The following FAT4 variants were observed in gnomAD, a reference collection of about 807,000 sequenced individuals.
FAT4 encodes the protein FAT atypical cadherin 4.
A neutral mutation model predicts 303.9 loss-of-function variants in FAT4; 84 were observed. The ratio of observed to expected loss-of-function variants is 0.28; its 90% CI spans 0.23 to 0.33. The LOEUF is 0.33. Ranked by LOEUF, FAT4 falls within the 10% of genes least tolerant of loss-of-function variation. The pLI, the probability that FAT4 is intolerant of heterozygous loss-of-function variation, is 1.00. For synonymous variants in FAT4, 2,307 were observed against 2,298.8 expected, an observed-to-expected ratio of 1.00 and a Z score of -0.10; for missense variants, 6,005 against 6,146.8, an observed-to-expected ratio of 0.98 and a Z score of 0.77.
intron 12 of FAT4, among the ~76,000 whole-genome samples, chr4:125,469,303 A>G (rs1225254521): frequency 6.6e-6 from 1 of 152,222 alleles, no homozygotes; most frequent in Non-Finnish European, 1.5e-5. Flanking sequence ...GTGGCTCCTG[A>G]CTGAGCCAGG....
intron 5 of FAT4, 38 bp downstream of exon 5, chr4:125,408,832 T>A: frequency 9.4e-7 from 1 of 1,059,516 alleles, no homozygotes; most frequent in Non-Finnish European, 1.3e-6. Flanking sequence ...AAAACATCTA[T>A]AAACTGTCAT....
chr4:125,362,512 A>C (rs1228589648), intron 2 of FAT4, among the ~76,000 whole-genome samples: 1 of 152,220 alleles, frequency 6.6e-6, no homozygotes, highest in African/African-American at 2.4e-5. Context: ...AAAGATTCCC[A>C]AAATCTGCAA....
chr4:125,427,782 G>A (rs763000541), intron 7 of FAT4, among the ~76,000 whole-genome samples: 7 of 152,188 alleles, frequency 4.6e-5, no homozygotes, highest in Non-Finnish European at 8.8e-5. Context: ...GAAAGAAAAT[G>A]GCTTTGTTGC....
rs532635586 is a variant in FAT4, at chr4:125,373,654, C to T, written c.5176-25130C>T. On this transcript the variant is annotated intron_variant, in intron 2 of 17. Transcript: ENST00000394329. ...TGGCCACTATTCCATGTGCCTCACA[C>T]ACTTTTATCTCATTTAAATTTCATA... Among the ~76,000 whole-genome samples, 8 of 152,294 alleles carry T rather than the reference C, an allele frequency of 5.3e-5. No individual in the cohort carries two copies. In the East Asian group the frequency reaches 1.3e-3, roughly 26 times the overall value.
At chr4:125,437,155 G>T (rs771030406) in intron 8 of FAT4, among the ~76,000 whole-genome samples, 1 of 151,956 alleles carries the variant, frequency 6.6e-6, no homozygotes, top group Non-Finnish European at 1.5e-5. Flanking sequence ...ATGCCTGGCC[G>T]ACACATGGGG....
At chr4:125,374,501 G>A (rs1353489525) in intron 2 of FAT4, among the ~76,000 whole-genome samples, 1 of 152,124 alleles carries the variant, frequency 6.6e-6, no homozygotes, top group Non-Finnish European at 1.5e-5. Context: ...ATTTGAATAG[G>A]ATTCACGTCC....
At chr4:125,478,687 C>T (rs549695454) in intron 14 of FAT4, among the ~76,000 whole-genome samples, 4 of 152,126 alleles carry the variant, frequency 2.6e-5, no homozygotes, top group African/African-American at 4.8e-5. Flanking sequence ...CCTGCCACCA[C>T]GCACAGCTAA....
Position 125,415,532 on chromosome 4 carries a change from G to T in FAT4, c.6569G>T (p.Arg2190Leu). 6.2e-7 allele frequency: 1 copy of T among 1,614,036 alleles called. No individual in the cohort carries two copies. The highest frequency in any genetic ancestry group is 1.7e-4 in the Middle Eastern group (1 of 6,060). The change falls in exon 6 of 18, where the codon CGC (arginine) becomes CTC (leucine). Residue 2190 changes from arginine to leucine, a missense_variant. Arg to Leu is a moderately radical substitution (Grantham distance 102). Coordinates refer to ENST00000394329, the MANE Select transcript of FAT4 (RefSeq NM_001291303.3). ...DGDEGTNGQV[R>L]YGIVNGNTNQ... Reference sequence around the variant, plus strand: ...GATGAAGGCACAAATGGACAGGTTCGCTATGGCATTGTTAATGGTAATACC... The same window carrying T: ...GATGAAGGCACAAATGGACAGGTTCTCTATGGCATTGTTAATGGTAATACC...
At chr4:125,366,009 T>C (rs1230560615) in intron 2 of FAT4, among the ~76,000 whole-genome samples, 2 of 152,076 alleles carry the variant, frequency 1.3e-5, no homozygotes, top group Admixed American at 1.3e-4. Context: ...CGTGGGAGCG[T>C]GAACCCTATT....
At chr4:125,381,402 A>T (rs1733534527) in intron 2 of FAT4, among the ~76,000 whole-genome samples, 1 of 152,232 alleles carries the variant, frequency 6.6e-6, no homozygotes, top group East Asian at 1.9e-4. Flanking sequence ...CAATAAAGTG[A>T]ATATCACAAT....
chr4:125,472,028 T>C (rs1464877899), intron 12 of FAT4, among the ~76,000 whole-genome samples: 1 of 137,456 alleles, frequency 7.3e-6, no homozygotes, highest in African/African-American at 2.7e-5. Context: ...AGCCGAGATC[T>C]CGCCACTGCA....
Position 125,316,053 on chromosome 4 carries a change from A to G in FAT4, c.-13+76A>G, listed in dbSNP as rs1730568876. Among the ~76,000 whole-genome samples the G allele has an allele frequency of 6.6e-6, 1 of 152,044 alleles. No homozygotes were observed. The highest frequency in any genetic ancestry group is 2.1e-4 in the South Asian group (1 of 4,822). On this transcript the variant is annotated intron_variant, in intron 1 of 17. Transcript: ENST00000394329. The surrounding 1 kb of genome is among the most constrained non-coding windows in gnomAD (Gnocchi z 5.7). ...CCTTAGATACAGGCAACTTCTCCCAACTCTCATCCACCCGGGTGAAAACGC... is the reference window on the plus strand; with the variant it reads ...CCTTAGATACAGGCAACTTCTCCCAGCTCTCATCCACCCGGGTGAAAACGC...
intron 2 of FAT4, among the ~76,000 whole-genome samples, chr4:125,330,166 A>G (rs904761869): frequency 2.6e-5 from 4 of 152,172 alleles, no homozygotes; most frequent in Non-Finnish European, 4.4e-5. Context: ...CCTTCTGCAT[A>G]GAACACCCTT....
At chr4:125,385,996 A>G (rs960324377) in intron 2 of FAT4, among the ~76,000 whole-genome samples, 5 of 151,884 alleles carry the variant, frequency 3.3e-5, no homozygotes, top group Non-Finnish European at 2.9e-5. Flanking sequence ...ATATTGAAAA[A>G]TTTTTCCTTC....
chr4:125,414,256 G>T (rs1734955022), intron 5 of FAT4, among the ~76,000 whole-genome samples: 1 of 151,958 alleles, frequency 6.6e-6, no homozygotes. Context: ...AAAATCAACA[G>T]TATCTAAATA....
chr4:125,484,895 C>T (rs1443575572), intron 16 of FAT4, among the ~76,000 whole-genome samples: 1 of 151,882 alleles, frequency 6.6e-6, no homozygotes, highest in African/African-American at 2.4e-5. Context: ...CTCTGTTGCC[C>T]AGGCTGGAGT....
At position 125,317,536 on chromosome 4, in the gene FAT4, C is replaced by A. The variant is rs966727590; in HGVS notation, c.1125C>A (p.Thr375=). ...ASVDENAQVG[T]VVALLTVTDA... ...TAGATGAGAATGCTCAAGTGGGCAC[C>A]GTGGTGGCTCTGCTCACCGTGACGG... Residue 375 remains threonine (T), a synonymous_variant, in exon 2 of 18, where the codon ACC becomes ACA. Transcript: ENST00000394329. This position sits in a 1 kb window ranked among gnomAD's most constrained non-coding sequence, Gnocchi z 7.0. 1 of 1,613,928 alleles carries A rather than the reference C, an allele frequency of 6.2e-7. No individual in the cohort carries two copies. The highest frequency in any genetic ancestry group is 1.3e-5 in the African/African-American group (1 of 75,052).
chr4:125,489,647 TCA>T lies in FAT4; in HGVS notation c.13085-253_13085-252del, dbSNP rs1310809162. Among the ~76,000 whole-genome samples the T allele has an allele frequency of 9.9e-4, 150 of 152,204 alleles. 2 individuals carry two copies. The highest frequency in any genetic ancestry group is 3.4e-3 in the Middle Eastern group (1 of 294). On this transcript the variant is annotated intron_variant, in intron 17 of 17. Transcript: ENST00000394329. ...GCCTGCCCAAGTCATTCATAAATCT[TCA>T]GAATGAGTGGGATTCAAGCAATCTG...
At chr4:125,426,709 AGG>A (rs1725100214) in intron 7 of FAT4, among the ~76,000 whole-genome samples, 1 of 152,090 alleles carries the variant, frequency 6.6e-6, no homozygotes, top group African/African-American at 2.4e-5. Context: ...AGTTGCCATC[AGG>A]TTCCATAGAA....
Sources: allele counts gnomAD v4.1 joint callset (sites outside exome capture counted in the v4.1 genomes callset), GRCh38; gene constraint gnomAD v4.1.1; non-coding constraint Gnocchi (gnomAD v3.1); transcripts MANE v1.5; gene names NCBI Gene and HGNC (gene_info 2026-07-23, HGNC 2026-07-21).